Variants in DENND5B observed in about 807,000 individuals in gnomAD.
The protein encoded by DENND5B is DENN domain containing 5B.
In DENND5B, 34 loss-of-function variants were observed where a neutral mutation model predicts 140.6. The ratio of observed to expected loss-of-function variants is 0.24; its 90% CI spans 0.18 to 0.32. DENND5B has a LOEUF of 0.32. Among genes scored for constraint, DENND5B ranks in the 10% least tolerant of loss-of-function variants. The pLI is 1.00. For missense variants in DENND5B, 1,142 were observed against 1,560.2 expected, an observed-to-expected ratio of 0.73 and a Z score of 4.52; for synonymous variants, 551 against 562.1, an observed-to-expected ratio of 0.98 and a Z score of 0.28.
In DENND5B at chr12:31,426,359, A is replaced by T; in HGVS notation, c.2172T>A (p.Ser724=). The T allele has an allele frequency of 6.2e-7, 1 of 1,612,296 alleles. No individual in the cohort carries two copies. The highest frequency in any genetic ancestry group is 8.5e-7 in the Non-Finnish European group (1 of 1,179,052). Residue 724 remains serine (S), a synonymous_variant, in exon 9 of 21, where the codon TCT becomes TCA. Transcript: ENST00000389082. ...AGTTGGTCTGTGCAATAACTGCAGG[A>T]GAGAGGTCTGACAGTTTGGGTTGCC... ...NLRQPKLSDL[S]PAVIAQTNCK...
chr12:31,527,264 G>A (rs1404116959), intron 1 of DENND5B, among the ~76,000 whole-genome samples: 2 of 152,146 alleles, frequency 1.3e-5, no homozygotes, highest in East Asian at 1.9e-4. Context: ...TCCTTGGGGG[G>A]AAGAGCTTTC....
chr12:31,523,726 A>G (rs922078166), intron 1 of DENND5B, among the ~76,000 whole-genome samples: 1 of 152,232 alleles, frequency 6.6e-6, no homozygotes, highest in Non-Finnish European at 1.5e-5. Context: ...TGAAAAAAAG[A>G]GTATATGACA....
intron 16 of DENND5B, among the ~76,000 whole-genome samples, chr12:31,399,421 A>G (rs1426077165): frequency 1.3e-5 from 2 of 151,176 alleles, no homozygotes; most frequent in African/African-American, 4.9e-5. Context: ...TGGGATTACA[A>G]GCGTACACCA....
In DENND5B at chr12:31,409,291, G is replaced by A; in HGVS notation, c.2775C>T (p.Phe925=). 6.4e-7 allele frequency: 1 copy of A among 1,572,584 alleles called. No individual in the cohort carries two copies. Among genetic ancestry groups the A allele is most frequent in the South Asian group, 1.2e-5 (1 of 85,248 alleles). The change falls in exon 14 of 21, where the codon TTC becomes TTT. Residue 925 remains phenylalanine (F), a synonymous_variant. Transcript: ENST00000389082. ...TAGTGGTGAACACACTGGTGAAGCAGAAATAGTCCACAGCATTGAGAGAAA... is the reference window on the plus strand; with the variant it reads ...TAGTGGTGAACACACTGGTGAAGCAAAAATAGTCCACAGCATTGAGAGAAA... ...HLLSLNAVDY[F]CFTSVFTTIM...
chr12:31,387,476 G>C lies in DENND5B; in HGVS notation c.*127C>G. ...ACATTTTGCCTTGTCTGTAGAGTGA[G>C]GATTGTTCCAAATGGGGCATATGTT... On this transcript the variant is annotated 3_prime_UTR_variant, in exon 21 of 21. Transcript: ENST00000389082. The C allele has an allele frequency of 1.1e-6, 1 of 924,434 alleles. No individual in the cohort carries two copies. 57.3% of individuals were successfully genotyped at this position (924,434 alleles called of 1,614,324 possible).
chr12:31,497,395 A>G (rs1217690176), intron 1 of DENND5B, among the ~76,000 whole-genome samples: 1 of 152,136 alleles, frequency 6.6e-6, no homozygotes, highest in African/African-American at 2.4e-5. Context: ...ATTCATTTCT[A>G]GAAGAGAAAT....
intron 13 of DENND5B, among the ~76,000 whole-genome samples, chr12:31,410,031 GATAT>G (rs977407216): frequency 3.3e-5 from 5 of 152,092 alleles, no homozygotes; most frequent in South Asian, 4.1e-4. Flanking sequence ...CATAAAAATG[GATAT>G]ATAAACAGTT....
At chr12:31,396,056 G>GTTT (rs34089984) in intron 17 of DENND5B, among the ~76,000 whole-genome samples, 63 of 112,204 alleles carry the variant, frequency 5.6e-4, no homozygotes, top group Non-Finnish European at 7.4e-4. Context: ...GGCATTCCTT[G>GTTT]TTTTTTTTTT....
chr12:31,460,793 T>C (rs1258112973), intron 3 of DENND5B, among the ~76,000 whole-genome samples: 1 of 152,224 alleles, frequency 6.6e-6, no homozygotes, highest in Non-Finnish European at 1.5e-5. Context: ...TGGTGCGATC[T>C]TGGCACACTG....
intron 7 of DENND5B, among the ~76,000 whole-genome samples, chr12:31,433,705 T>C (rs1197628829): frequency 6.6e-6 from 1 of 152,142 alleles, no homozygotes; most frequent in African/African-American, 2.4e-5. Flanking sequence ...AGAATAGAAA[T>C]GTATGAAGCT....
intron 7 of DENND5B, among the ~76,000 whole-genome samples, chr12:31,438,137 G>A (rs1399717928): frequency 2.6e-5 from 4 of 152,072 alleles, no homozygotes; most frequent in Non-Finnish European, 4.4e-5. Flanking sequence ...CACCGTGCCC[G>A]GCTAATTTTT....
chr12:31,513,904 C>T (rs151151649), intron 1 of DENND5B, among the ~76,000 whole-genome samples: 40 of 151,202 alleles, frequency 2.6e-4, no homozygotes, highest in African/African-American at 9.7e-4. Flanking sequence ...GTAGCACAAT[C>T]ATTGTTCATG....
chr12:31,575,112 T>C (rs1440189256), intron 1 of DENND5B, among the ~76,000 whole-genome samples: 2 of 152,234 alleles, frequency 1.3e-5, no homozygotes, highest in South Asian at 4.1e-4. Flanking sequence ...ATACATACAC[T>C]TGAGACAGGA....
rs769397951 is a variant in DENND5B, at chr12:31,480,032, C to T, written c.461G>A (p.Ser154Asn). The T allele has an allele frequency of 1.2e-6, 2 of 1,613,972 alleles. No homozygotes were observed. Among genetic ancestry groups the T allele is most frequent in the Admixed American group, 1.7e-5 (1 of 60,022 alleles). The stretch of plus-strand genomic sequence containing the variant: ...AAGACTACTTGCCAATGAGTCCATA[C>T]TGCAGGAAGATGAAGCATACACACT... The part of the protein sequence containing the change: ...YSSVYASSSC[S>N]MDSLASSLDE... The change falls in exon 3 of 21, where the codon AGT becomes AAT. Residue 154 changes from serine to asparagine, a missense_variant. Coordinates refer to ENST00000389082, the MANE Select transcript of DENND5B (RefSeq NM_144973.4).
intron 3 of DENND5B, among the ~76,000 whole-genome samples, chr12:31,477,212 GGCGA>G (rs1945856749): frequency 6.7e-6 from 1 of 150,040 alleles, no homozygotes; most frequent in African/African-American, 2.5e-5. Context: ...TGGGCAACAG[GGCGA>G]GACTCTGTCT....
intron 2 of DENND5B, among the ~76,000 whole-genome samples, chr12:31,487,609 C>G (rs970764475): frequency 6.6e-6 from 1 of 151,914 alleles, no homozygotes; most frequent in Non-Finnish European, 1.5e-5. Context: ...GGCTGAGGCA[C>G]GAGAATCGCA....
chr12:31,425,054 T>C (rs1943173676), intron 9 of DENND5B, among the ~76,000 whole-genome samples: 1 of 152,220 alleles, frequency 6.6e-6, no homozygotes, highest in African/African-American at 2.4e-5. Context: ...GGCTCACACC[T>C]GTAATCCCAG....
At chr12:31,512,982 G>C (rs1350904750) in intron 1 of DENND5B, among the ~76,000 whole-genome samples, 1 of 152,064 alleles carries the variant, frequency 6.6e-6, no homozygotes, top group African/African-American at 2.4e-5. Flanking sequence ...TTGTGTTCAA[G>C]AATCTCACCC....
Position 31,590,887 on chromosome 12 carries a change from C to G in DENND5B, c.-55G>C. The stretch of plus-strand genomic sequence containing the variant: ...CGCCGCCGCCCGGGAAGGCTTTCTG[C>G]GGAGGCTGCCACCACCGCTCCGGCT... On this transcript the variant is annotated 5_prime_UTR_variant, in exon 1 of 21. Transcript: ENST00000389082. 13 of 1,177,376 alleles carry G rather than the reference C, an allele frequency of 1.1e-5. No homozygotes were observed. The highest frequency in any genetic ancestry group is 1.4e-5 in the Non-Finnish European group (13 of 955,744). The allele number at this position is 1,177,376 out of a possible 1,614,324, so 72.9% of individuals were successfully genotyped here.
Sources: gnomAD v4.1 joint callset for allele counts (sites outside exome capture counted in the v4.1 genomes callset) on GRCh38, gnomAD v4.1.1 for gene constraint, MANE v1.5 for transcripts, NCBI Gene and HGNC (gene_info 2026-07-23, HGNC 2026-07-21) for gene names.